The following TRPV3 variants were observed in gnomAD, a reference collection of about 807,000 sequenced individuals.
The protein encoded by TRPV3 is transient receptor potential cation channel subfamily V member 3.
In TRPV3, 88 loss-of-function variants were observed where a neutral mutation model predicts 87.1. That is an observed-to-expected ratio of 1.01 (90% confidence interval 0.85 to 1.21). TRPV3 has a LOEUF of 1.21. Among genes scored for constraint, TRPV3 ranks in the 50% most tolerant of loss-of-function variants. TRPV3 has a pLI of 0.00. For missense variants in TRPV3, 1,054 were observed against 1,030.1 expected, an observed-to-expected ratio of 1.02 and a Z score of -0.32; for synonymous variants, 438 against 423.3, an observed-to-expected ratio of 1.03 and a Z score of -0.43.
chr17:3,528,181 C>T lies in TRPV3; in HGVS notation c.1402-55G>A. ...TAGGAAGCAAGGAGGACAGGGCTGG[C>T]ACCAACTCTAGAGGGACCAAAACCC... On this transcript the variant is annotated intron_variant, in intron 10 of 17. Transcript: ENST00000576742. This position sits in a 1 kb window ranked among gnomAD's most constrained non-coding sequence, Gnocchi z 4.2. 3.5e-6 allele frequency: 5 copies of T among 1,435,886 alleles called. No individual in the cohort carries two copies. In the South Asian group the frequency reaches 5.1e-5, roughly 15 times the overall value. 88.9% of individuals were successfully genotyped at this position (1,435,886 alleles called of 1,614,324 possible). A position where few individuals can be genotyped will look rare whatever the true frequency, so the allele number is the denominator to read the frequency against.
At chr17:3,521,991 G>C (rs1304382377) in intron 13 of TRPV3, among the ~76,000 whole-genome samples, 2 of 152,098 alleles carry the variant, frequency 1.3e-5, no homozygotes, top group Non-Finnish European at 2.9e-5. Flanking sequence ...CGGGAGAATT[G>C]CTTGAACCCA....
chr17:3,535,038 A>G (rs895827994), intron 7 of TRPV3, among the ~76,000 whole-genome samples: 2 of 151,320 alleles, frequency 1.3e-5, no homozygotes, highest in African/African-American at 4.9e-5. Context: ...GCTCAGATGG[A>G]CATGCCCAGC....
At position 3,526,840 on chromosome 17, in the gene TRPV3, C is replaced by G. The variant is rs766668944; in HGVS notation, c.1577+14G>C. The G allele has an allele frequency of 8.7e-6, 14 of 1,606,092 alleles. 1 individual carries two copies. Among genetic ancestry groups the G allele is most frequent in the Admixed American group, 5.1e-5 (3 of 59,028 alleles). On this transcript the variant is annotated intron_variant, in intron 12 of 17. Coordinates refer to ENST00000576742, the MANE Select transcript of TRPV3 (RefSeq NM_145068.4). ...TGCCTGTGAGGCGATAACCAAGGGG[C>G]CAGACCTACTTACAAGACAAAGTGG...
intron 2 of TRPV3, chr17:3,546,621 CT>C (rs1458909491): frequency 2.2e-6 from 1 of 455,846 alleles, no homozygotes; most frequent in Non-Finnish European, 4.4e-6. Context: ...CATGTGGCTT[CT>C]ATCTGTAGAT....
rs753351096 is a variant in TRPV3, at chr17:3,543,588, G to A, written c.352C>T (p.Arg118Trp). Reference protein sequence around the residue: ...AKEEQRRKKRRLKKRIFAAVS... With the variant: ...AKEEQRRKKRWLKKRIFAAVS... ...GCTGCAAAGATGCGCTTCTTCAGCC[G>A]CCTCTTTTTCCTCCTCTGCTCTTCC... The change falls in exon 5 of 18, where the codon CGG (arginine) becomes TGG (tryptophan). Residue 118 changes from arginine (R) to tryptophan (W), a missense_variant. Arg to Trp is a moderately radical substitution (Grantham distance 101). Coordinates refer to ENST00000576742, the MANE Select transcript of TRPV3 (RefSeq NM_145068.4). 2.1e-5 allele frequency: 34 copies of A among 1,614,000 alleles called. No individual in the cohort carries two copies. The highest frequency in any genetic ancestry group is 2.1e-4 in the South Asian group (19 of 91,084).
chr17:3,514,694 T>C, intron 16 of TRPV3, 22 bp from the exon 17 acceptor site: 1 of 1,557,502 alleles, frequency 6.4e-7, no homozygotes, highest in Non-Finnish European at 8.8e-7. Flanking sequence ...ATAATCATTC[T>C]TACTATTTCA....
At chr17:3,519,812 C>G (rs10451233) in intron 14 of TRPV3, among the ~76,000 whole-genome samples, 18 of 82,798 alleles carry the variant, frequency 2.2e-4, no homozygotes, top group East Asian at 8.8e-4. Context: ...ACCGATTGAT[C>G]GATGGATGGA....
At chr17:3,554,648 G>T in intron 2 of TRPV3, 84 bp downstream of exon 2, 1 of 967,874 alleles carries the variant, frequency 1.0e-6, no homozygotes, top group Non-Finnish European at 1.5e-6. Flanking sequence ...TCTCCCCAAG[G>T]CAAGGGCTCC....
At chr17:3,542,188 C>T (rs7222449) in intron 6 of TRPV3, among the ~76,000 whole-genome samples, 65,711 of 151,844 alleles carry the variant, frequency 0.43, 14,360 homozygotes, top group Middle Eastern at 0.48. Context: ...AACTCCGGAC[C>T]TCAGGTGATC....
intron 7 of TRPV3, among the ~76,000 whole-genome samples, chr17:3,535,175 T>TCCG (rs2074388269): frequency 9.0e-6 from 1 of 111,012 alleles, no homozygotes. Context: ...CCGCCCTCCT[T>TCCG]CCTCCTCCCT....
chr17:3,515,000 G>C (rs2074164672), intron 16 of TRPV3, among the ~76,000 whole-genome samples: 1 of 152,138 alleles, frequency 6.6e-6, no homozygotes, highest in Non-Finnish European at 1.5e-5. Context: ...GGGAAGCGGG[G>C]ACAGACAGAG....
At chr17:3,519,401 G>A (rs1597467015) in intron 14 of TRPV3, among the ~76,000 whole-genome samples, 1 of 136,628 alleles carries the variant, frequency 7.3e-6, no homozygotes, top group Non-Finnish European at 1.6e-5. Flanking sequence ...TGGAGGGATG[G>A]ATGGATGGAT....
At chr17:3,519,524 G>GGATGGATGGGTGATTA (rs2074218476) in intron 14 of TRPV3, among the ~76,000 whole-genome samples, 2 of 148,038 alleles carry the variant, frequency 1.4e-5, no homozygotes, top group Non-Finnish European at 3.0e-5. Context: ...ATGGATGGAT[G>GGATGGATGGGTGATTA]GATGGATGGA....
At position 3,518,504 on chromosome 17, in the gene TRPV3, C is replaced by T. The variant is rs2074203829; in HGVS notation, c.2085+72G>A. ...CCCACCTCAGACCCACTGGTGCTGA[C>T]AGTAGTCAATGACCACGTGCTGAAC... On this transcript the variant is annotated intron_variant, in intron 15 of 17. Transcript: ENST00000576742. The surrounding 1 kb of genome is among the most constrained non-coding windows in gnomAD (Gnocchi z 4.3). 6.8e-7 allele frequency: 1 copy of T among 1,478,530 alleles called. No individual in the cohort carries two copies. The allele number at this position is 1,478,530 out of a possible 1,614,324, so 91.6% of individuals were successfully genotyped here. A position where few individuals can be genotyped will look rare whatever the true frequency, so the allele number is the denominator to read the frequency against.
intron 13 of TRPV3, among the ~76,000 whole-genome samples, chr17:3,523,718 CAAAA>C (rs201681037): frequency 2.5e-5 from 2 of 78,624 alleles, no homozygotes; most frequent in Admixed American, 1.3e-4. Flanking sequence ...ACTTGGTCTC[CAAAA>C]AAAAAAAAAA....
chr17:3,535,166 C>T (rs1191737624), intron 7 of TRPV3, among the ~76,000 whole-genome samples: 8 of 145,092 alleles, frequency 5.5e-5, no homozygotes, highest in East Asian at 4.2e-4. Flanking sequence ...TCTCTCCCTC[C>T]GCCCTCCTTC....
At chr17:3,516,626 G>GGC (rs1475790325) in intron 15 of TRPV3, 57 bp from the exon 16 acceptor site, 1 of 1,272,532 alleles carries the variant, frequency 7.9e-7, no homozygotes, top group African/African-American at 1.5e-5. Context: ...CACACACAAG[G>GGC]GCACACACAC....
chr17:3,539,397 TA>T (rs368523735), intron 6 of TRPV3, among the ~76,000 whole-genome samples: 1 of 152,072 alleles, frequency 6.6e-6, no homozygotes, highest in African/African-American at 2.4e-5. Flanking sequence ...CTCACGCCTA[TA>T]ATCCCATCAT....
intron 12 of TRPV3, 46 bp from the exon 13 acceptor site, chr17:3,524,409 A>G (rs1282113997): frequency 1.0e-5 from 16 of 1,607,432 alleles, no homozygotes; most frequent in Non-Finnish European, 1.4e-5. Context: ...ACTTCTCAGC[A>G]TCAGGGCAAA....
Sources: allele counts gnomAD v4.1 joint callset (sites outside exome capture counted in the v4.1 genomes callset), GRCh38; gene constraint gnomAD v4.1.1; non-coding constraint Gnocchi (gnomAD v3.1); transcripts MANE v1.5; gene names NCBI Gene and HGNC (gene_info 2026-07-23, HGNC 2026-07-21).